Variants in RTL8B observed in about 807,000 individuals in gnomAD.
RTL8B encodes retrotransposon Gag like 8B.
A neutral mutation model predicts 4.4 loss-of-function variants in RTL8B; 5 were observed. The ratio of observed to expected loss-of-function variants is 1.13; its 90% CI spans 0.59 to 2.37. RTL8B has a LOEUF of 2.37. Among genes scored for constraint, RTL8B ranks in the 30% most tolerant of loss-of-function variants. RTL8B has a pLI of 0.01. For synonymous variants in RTL8B, 31 were observed against 44.2 expected, an observed-to-expected ratio of 0.70 and a Z score of 1.19; for missense variants, 82 against 99.2, an observed-to-expected ratio of 0.83 and a Z score of 0.74.
At position 135,021,661 on chromosome X, in the gene RTL8B, A is replaced by G. The variant is rs779013151; in HGVS notation, c.*457T>C. On this transcript the variant is annotated 3_prime_UTR_variant, in exon 1 of 1. Transcript: ENST00000391440. Reference sequence around the variant, plus strand: ...CTCCGAGGTGAGTACAGATCACTAGAAGCAGCAGTCTGTCGGTGGAATGCG... The same window carrying G: ...CTCCGAGGTGAGTACAGATCACTAGGAGCAGCAGTCTGTCGGTGGAATGCG... The G allele has an allele frequency of 1.0e-6, 1 of 989,826 alleles. No individual in the cohort carries two copies. 81.6% of individuals were successfully genotyped at this position (989,826 alleles called of 1,213,427 possible).
Position 135,021,396 on chromosome X carries a change from T to A in RTL8B, c.*722A>T, listed in dbSNP as rs1603265421. 3.8e-6 allele frequency: 1 copy of A among 264,778 alleles called. No individual in the cohort carries two copies. The highest frequency in any genetic ancestry group is 7.3e-6 in the Non-Finnish European group (1 of 137,231). The allele number at this position is 264,778 out of a possible 1,213,427, so 21.8% of individuals were successfully genotyped here. On this transcript the variant is annotated 3_prime_UTR_variant, in exon 1 of 1. Transcript: ENST00000391440. ...GTTATTTTGTTGATCAAAAAGCACC[T>A]GAGAAAATGCTGCAAATTCAGAAGA...
Position 135,021,116 on chromosome X carries a change from C to T in RTL8B, c.*1002G>A, listed in dbSNP as rs999715421. The T allele has an allele frequency of 5.1e-5, 7 of 138,326 alleles. No individual in the cohort carries two copies. Among genetic ancestry groups the T allele is most frequent in the Admixed American group, 3.9e-4 (5 of 12,801 alleles). 11.4% of individuals were successfully genotyped at this position (138,326 alleles called of 1,213,427 possible). A position where few individuals can be genotyped will look rare whatever the true frequency, so the allele number is the denominator to read the frequency against. Reference sequence around the variant, plus strand: ...TCAACATCTGGGACAGAAGGATCACCAGTGGGGACACTATCCCCCAGGTTA... The same window carrying T: ...TCAACATCTGGGACAGAAGGATCACTAGTGGGGACACTATCCCCCAGGTTA... On this transcript the variant is annotated 3_prime_UTR_variant, in exon 1 of 1. Transcript: ENST00000391440.
Position 135,021,977 on chromosome X carries a change from G to A in RTL8B, c.*141C>T, listed in dbSNP as rs747032694. ...CAAAGGCAAGCACTACGCGGGAGGG[G>A]ACAGGAGCGCAGGGGACATCGTGGC... is the stretch of plus-strand genomic sequence containing the variant. On this transcript the variant is annotated 3_prime_UTR_variant, in exon 1 of 1. Transcript: ENST00000391440. 332 of 1,159,189 alleles carry A rather than the reference G, an allele frequency of 2.9e-4. 2 individuals are homozygous for A. The highest frequency in any genetic ancestry group is 2.3e-3 in the South Asian group (116 of 51,044).
rs1194596670 is a variant in RTL8B, at chrX:135,020,550, T to C, written c.*1568A>G. On this transcript the variant is annotated 3_prime_UTR_variant, in exon 1 of 1. Transcript: ENST00000391440. ...AAAGCAATTTAATGGTAAAATAAAA[T>C]CAAAGTTCAGGCTACCTGGTAACTT... is the stretch of plus-strand genomic sequence containing the variant. 1.8e-5 allele frequency: 2 copies of C among 111,680 alleles called. No individual in the cohort carries two copies. The highest frequency in any genetic ancestry group is 3.3e-5 in the African/African-American group (1 of 30,641). 9.2% of individuals were successfully genotyped at this position (111,680 alleles called of 1,213,427 possible).
rs765829206 is a variant in RTL8B at position 135,021,995 on chromosome X, A to T, written c.*123T>A. 8.6e-7 allele frequency: 1 copy of T among 1,165,052 alleles called. No individual in the cohort carries two copies. The highest frequency in any genetic ancestry group is 1.1e-6 in the Non-Finnish European group (1 of 872,589). ...GGGAGGGGACAGGAGCGCAGGGGAC[A>T]TCGTGGCGGCTCGAGGGGGAGGGAG... On this transcript the variant is annotated 3_prime_UTR_variant, in exon 1 of 1. Coordinates refer to ENST00000391440, the MANE Select transcript of RTL8B (RefSeq NM_001078173.2).
rs1440750932 is a variant in RTL8B, at chrX:135,021,685, C to T, written c.*433G>A. On this transcript the variant is annotated 3_prime_UTR_variant, in exon 1 of 1. Transcript: ENST00000391440. ...GAAGCAGCAGTCTGTCGGTGGAATG[C>T]GATGGATGGCGATGGCAGTGGCAGC... The T allele has an allele frequency of 7.0e-6, 7 of 996,008 alleles. No individual in the cohort carries two copies. The highest frequency in any genetic ancestry group is 9.1e-6 in the Non-Finnish European group (7 of 765,373). 82.1% of individuals were successfully genotyped at this position (996,008 alleles called of 1,213,427 possible).
In RTL8B at chrX:135,022,187, G is replaced by A. The variant is rs1322470554; in HGVS notation, c.273C>T (p.Leu91=). 12 of 1,212,104 alleles carry A rather than the reference G, an allele frequency of 9.9e-6. No individual in the cohort carries two copies. The highest frequency in any genetic ancestry group is 1.2e-5 in the Non-Finnish European group (11 of 895,538). The change falls in exon 1 of 1, where the codon CTC becomes CTT. Residue 91 remains leucine (L), a synonymous_variant. Transcript: ENST00000391440. ...IPYIKKESPL[L]SDYRGFLAEM... ...CAGCCAGGAAGCCCCGGTAATCACTGAGGAGGGGGCTCTCCTTCTTGATGT... is the reference window on the plus strand; with the variant it reads ...CAGCCAGGAAGCCCCGGTAATCACTAAGGAGGGGGCTCTCCTTCTTGATGT...
chrX:135,021,872 T>C lies in RTL8B; in HGVS notation c.*246A>G. On this transcript the variant is annotated 3_prime_UTR_variant, in exon 1 of 1. Coordinates refer to ENST00000391440, the MANE Select transcript of RTL8B (RefSeq NM_001078173.2). ...CAAATGTGCATGGGAGGGGCTGAGCTGGCACGAGAGGGCGGAGGCAGCCCG... is the reference window on the plus strand; with the variant it reads ...CAAATGTGCATGGGAGGGGCTGAGCCGGCACGAGAGGGCGGAGGCAGCCCG... 1 of 1,151,423 alleles carries C rather than the reference T, an allele frequency of 8.7e-7. No individual in the cohort carries two copies. Among genetic ancestry groups the C allele is most frequent in the Non-Finnish European group, 1.2e-6 (1 of 864,755 alleles). 94.9% of individuals were successfully genotyped at this position (1,151,423 alleles called of 1,213,427 possible).
chrX:135,022,429 G>A lies in RTL8B; in HGVS notation c.31C>T (p.Leu11Phe), dbSNP rs750249232. The change falls in exon 1 of 1, where the codon CTC (leucine) becomes TTC (phenylalanine). Residue 11 changes from leucine (L) to phenylalanine (F), a missense_variant. Leu to Phe is a conservative substitution (Grantham distance 22). Coordinates refer to ENST00000391440, the MANE Select transcript of RTL8B (RefSeq NM_001078173.2). ...GCGGGCCGGAGGGGCCGAGCCAGGAGGGCCTTCATCAGCTGCACTCGACCT... is the reference window on the plus strand; with the variant it reads ...GCGGGCCGGAGGGGCCGAGCCAGGAAGGCCTTCATCAGCTGCACTCGACCT... Reference protein sequence around the residue: MEGRVQLMKALLARPLRPAAR... With the variant: MEGRVQLMKAFLARPLRPAAR... The A allele has an allele frequency of 4.1e-6, 5 of 1,212,035 alleles. No homozygotes were observed. The highest frequency in any genetic ancestry group is 5.6e-6 in the Non-Finnish European group (5 of 895,415).
rs2083271400 is a variant in RTL8B at position 135,022,470 on chromosome X, T to G, written c.-11A>C. On this transcript the variant is annotated 5_prime_UTR_variant, in exon 1 of 1. Transcript: ENST00000391440. ...CACTCGACCTTCCATCGCGCCGCGC[T>G]GGCTCCGCTGAGTTTAGCTGAGCTG... 3 of 1,204,993 alleles carry G rather than the reference T, an allele frequency of 2.5e-6. No individual in the cohort carries two copies. Among genetic ancestry groups the G allele is most frequent in the Non-Finnish European group, 1.1e-6 (1 of 892,344 alleles).
rs1334805899 is a variant in RTL8B, at chrX:135,022,385, G to A, written c.75C>T (p.Asn25=). 1 of 1,212,350 alleles carries A rather than the reference G, an allele frequency of 8.2e-7. No homozygotes were observed. Among genetic ancestry groups the A allele is most frequent in the South Asian group, 1.8e-5 (1 of 57,016 alleles). ...CAAACGTCTCGGGAAAGGGAATCGG[G>A]TTCCTCCAGCGACGCGCCGCGGGCC... is the stretch of plus-strand genomic sequence containing the variant. ...PLRPAARRWR[N]PIPFPETFDG... The change falls in exon 1 of 1, where the codon AAC becomes AAT. Residue 25 remains asparagine, a synonymous_variant. Transcript: ENST00000391440.
At position 135,022,058 on chromosome X, in the gene RTL8B, G is replaced by T; in HGVS notation, c.*60C>A. ...GGCGCCGGTGGCGACCCTGGCGGCG[G>T]CCAGTAACACAGCGGACCCTTCCCA... On this transcript the variant is annotated 3_prime_UTR_variant, in exon 1 of 1. Transcript: ENST00000391440. 8.3e-7 allele frequency: 1 copy of T among 1,208,822 alleles called. No homozygotes were observed. Among genetic ancestry groups the T allele is most frequent in the Non-Finnish European group, 1.1e-6 (1 of 894,228 alleles).
Position 135,021,973 on chromosome X carries a change from AGGG to A in RTL8B, c.*142_*144del. ...GGAACAAAGGCAAGCACTACGCGGG[AGGG>A]GACAGGAGCGCAGGGGACATCGTGG... On this transcript the variant is annotated 3_prime_UTR_variant, in exon 1 of 1. Coordinates refer to ENST00000391440, the MANE Select transcript of RTL8B (RefSeq NM_001078173.2). The A allele has an allele frequency of 8.6e-7, 1 of 1,157,808 alleles. No homozygotes were observed. Among genetic ancestry groups the A allele is most frequent in the Admixed American group, 2.6e-5 (1 of 38,217 alleles).
chrX:135,021,772 C>T lies in RTL8B; in HGVS notation c.*346G>A. ...GTCTGGTGAGGAGGAGGGGGGTTGGCAGCGGCGGCTGTCAGTGGTCTGTCA... is the reference window on the plus strand; with the variant it reads ...GTCTGGTGAGGAGGAGGGGGGTTGGTAGCGGCGGCTGTCAGTGGTCTGTCA... On this transcript the variant is annotated 3_prime_UTR_variant, in exon 1 of 1. Transcript: ENST00000391440. The T allele has an allele frequency of 9.4e-7, 1 of 1,064,896 alleles. No individual in the cohort carries two copies. The highest frequency in any genetic ancestry group is 1.2e-6 in the Non-Finnish European group (1 of 808,151). 87.8% of individuals were successfully genotyped at this position (1,064,896 alleles called of 1,213,427 possible).
chrX:135,021,692 T>C lies in RTL8B; in HGVS notation c.*426A>G. The C allele has an allele frequency of 2.0e-6, 2 of 1,001,145 alleles. No homozygotes were observed. Among genetic ancestry groups the C allele is most frequent in the Non-Finnish European group, 2.6e-6 (2 of 767,986 alleles). 82.5% of individuals were successfully genotyped at this position (1,001,145 alleles called of 1,213,427 possible). On this transcript the variant is annotated 3_prime_UTR_variant, in exon 1 of 1. Coordinates refer to ENST00000391440, the MANE Select transcript of RTL8B (RefSeq NM_001078173.2). The stretch of plus-strand genomic sequence containing the variant: ...CAGTCTGTCGGTGGAATGCGATGGA[T>C]GGCGATGGCAGTGGCAGCGCAGGTC...
At position 135,022,337 on chromosome X, in the gene RTL8B, C is replaced by A; in HGVS notation, c.123G>T (p.Pro41=). The part of the protein sequence containing the change: ...ETFDGDTDRL[P]EFIVQTSSYM... ...AGGAGCTCGTCTGCACGATGAACTC[C>A]GGGAGCCGGTCGGTATCGCCATCAA... The change falls in exon 1 of 1, where the codon CCG becomes CCT. Residue 41 remains proline, a synonymous_variant. Coordinates refer to ENST00000391440, the MANE Select transcript of RTL8B (RefSeq NM_001078173.2). 1 of 1,211,875 alleles carries A rather than the reference C, an allele frequency of 8.3e-7. No individual in the cohort carries two copies. Among genetic ancestry groups the A allele is most frequent in the Non-Finnish European group, 1.1e-6 (1 of 895,550 alleles).
rs1357134784 is a variant in RTL8B, at chrX:135,021,696, G to A, written c.*422C>T. On this transcript the variant is annotated 3_prime_UTR_variant, in exon 1 of 1. Coordinates refer to ENST00000391440, the MANE Select transcript of RTL8B (RefSeq NM_001078173.2). ...CTGTCGGTGGAATGCGATGGATGGCGATGGCAGTGGCAGCGCAGGTCTGTG... is the reference window on the plus strand; with the variant it reads ...CTGTCGGTGGAATGCGATGGATGGCAATGGCAGTGGCAGCGCAGGTCTGTG... 4 of 1,001,393 alleles carry A rather than the reference G, an allele frequency of 4.0e-6. No individual in the cohort carries two copies. Among genetic ancestry groups the A allele is most frequent in the East Asian group, 1.4e-4 (2 of 14,526 alleles). 82.5% of individuals were successfully genotyped at this position (1,001,393 alleles called of 1,213,427 possible).
rs969559925 is a variant in RTL8B, at chrX:135,021,764, G to A, written c.*354C>T. Reference sequence around the variant, plus strand: ...GTCTGGAAGTCTGGTGAGGAGGAGGGGGGTTGGCAGCGGCGGCTGTCAGTG... The same window carrying A: ...GTCTGGAAGTCTGGTGAGGAGGAGGAGGGTTGGCAGCGGCGGCTGTCAGTG... On this transcript the variant is annotated 3_prime_UTR_variant, in exon 1 of 1. Transcript: ENST00000391440. The A allele has an allele frequency of 2.5e-5, 26 of 1,055,790 alleles. No individual in the cohort carries two copies. The highest frequency in any genetic ancestry group is 2.7e-4 in the Middle Eastern group (1 of 3,748). 87.0% of individuals were successfully genotyped at this position (1,055,790 alleles called of 1,213,427 possible). A position where few individuals can be genotyped will look rare whatever the true frequency, so the allele number is the denominator to read the frequency against.
rs1430496719 is a variant in RTL8B at position 135,021,244 on chromosome X, G to A, written c.*874C>T. On this transcript the variant is annotated 3_prime_UTR_variant, in exon 1 of 1. Coordinates refer to ENST00000391440, the MANE Select transcript of RTL8B (RefSeq NM_001078173.2). Reference sequence around the variant, plus strand: ...AACAAGATATGGACCACATTTACAGGACCAGGGAGGGAAAGGTGCCATATT... The same window carrying A: ...AACAAGATATGGACCACATTTACAGAACCAGGGAGGGAAAGGTGCCATATT... 4 of 233,528 alleles carry A rather than the reference G, an allele frequency of 1.7e-5. No homozygotes were observed. Among genetic ancestry groups the A allele is most frequent in the Non-Finnish European group, 2.4e-5 (3 of 126,097 alleles). 19.2% of individuals were successfully genotyped at this position (233,528 alleles called of 1,213,427 possible). A position where few individuals can be genotyped will look rare whatever the true frequency, so the allele number is the denominator to read the frequency against.
Sources: allele counts gnomAD v4.1 joint callset, GRCh38; gene constraint gnomAD v4.1.1; transcripts MANE v1.5; gene names NCBI Gene and HGNC (gene_info 2026-07-23, HGNC 2026-07-21).